NAV2: variants seen among roughly 807,000 people sequenced by gnomAD.
NAV2 encodes the protein neuron navigator 2.
NAV2 carries 54 observed loss-of-function variants against 223.2 expected under a neutral mutation model. That is an observed-to-expected ratio of 0.24 (90% CI 0.19 to 0.30). The LOEUF (loss-of-function observed/expected upper bound fraction) is 0.30, where lower values mean the gene tolerates loss of function less well. Among genes scored for constraint, NAV2 ranks in the 10% least tolerant of loss-of-function variants. NAV2 has a pLI of 1.00. For missense variants in NAV2, 2,806 were observed against 3,147.5 expected, an observed-to-expected ratio of 0.89 and a Z score of 2.60; for synonymous variants, 1,279 against 1,239.3, an observed-to-expected ratio of 1.03 and a Z score of -0.67.
At chr11:20,105,499 T>C (rs765338886) in intron 34 of NAV2, 32 bp from the exon 35 acceptor site, 15 of 1,584,458 alleles carry the variant, frequency 9.5e-6, no homozygotes, top group Admixed American at 1.7e-5. Flanking sequence ...ATCACCATCA[T>C]CAGCTTGAAA....
At chr11:19,628,825 T>A (rs1305620215) in intron 1 of NAV2, among the ~76,000 whole-genome samples, 1 of 152,210 alleles carries the variant, frequency 6.6e-6, no homozygotes, top group Non-Finnish European at 1.5e-5. Flanking sequence ...TCTTCTGGAA[T>A]CATTGATTAC....
chr11:19,845,124 A>T (rs2060721914), intron 3 of NAV2, among the ~76,000 whole-genome samples: 1 of 152,212 alleles, frequency 6.6e-6, no homozygotes, highest in South Asian at 2.1e-4. Context: ...CTTTCGATAG[A>T]CAGGCATGGA....
At chr11:19,860,188 C>T (rs2061657625) in intron 3 of NAV2, among the ~76,000 whole-genome samples, 1 of 146,992 alleles carries the variant, frequency 6.8e-6, no homozygotes, top group Non-Finnish European at 1.5e-5. Context: ...CCACCTCCCT[C>T]CCAGACGGGG....
At position 19,620,080 on chromosome 11, in the gene NAV2, TATTATTTCTGA is replaced by T. The variant is rs1183451951; in HGVS notation, c.76-212403_76-212393del. ...AGATCAGATAGTTGTAGATGTGTGA[TATTATTTCTGA>T]GGGCTCTGTTCTGTTCCATTGATCT... On this transcript the variant is annotated intron_variant, in intron 1 of 37. Coordinates refer to the NAV2 transcript ENST00000360655. Among the ~76,000 whole-genome samples, 5 of 152,296 alleles carry T rather than the reference TATTATTTCTGA, an allele frequency of 3.3e-5. No homozygotes were observed. In the East Asian group the frequency reaches 5.8e-4, roughly 18 times the overall value.
intron 11 of NAV2, among the ~76,000 whole-genome samples, chr11:20,031,002 T>C (rs1266536988): frequency 6.6e-6 from 1 of 152,196 alleles, no homozygotes; most frequent in Non-Finnish European, 1.5e-5. Context: ...CTTTCCCAGA[T>C]TTAAAATCAC....
At chr11:20,062,845 C>A (rs56248395) in intron 20 of NAV2, among the ~76,000 whole-genome samples, 1 of 152,084 alleles carries the variant, frequency 6.6e-6, no homozygotes, top group Non-Finnish European at 1.5e-5. Context: ...TAGGCATGTG[C>A]CACCACGCCC....
At chr11:19,637,216 G>C (rs968429124) in intron 1 of NAV2, among the ~76,000 whole-genome samples, 1 of 152,156 alleles carries the variant, frequency 6.6e-6, no homozygotes, top group Non-Finnish European at 1.5e-5. Flanking sequence ...TGGCTACCTG[G>C]CTGGTTTCTG....
At chr11:19,969,339 G>A (rs10833208) in intron 10 of NAV2, among the ~76,000 whole-genome samples, 96,644 of 151,472 alleles carry the variant, frequency 0.64, 31,905 homozygotes, top group Middle Eastern at 0.74. Context: ...AATGAGACCC[G>A]GAAGGCCCAC....
At chr11:19,357,314 G>A (rs536788370) in intron 1 of NAV2, among the ~76,000 whole-genome samples, 1 of 152,318 alleles carries the variant, frequency 6.6e-6, no homozygotes, top group Admixed American at 6.5e-5. Flanking sequence ...GAGGGAGAAA[G>A]AGCAGCAATG....
At chr11:19,976,563 G>C (rs2049773457) in intron 10 of NAV2, among the ~76,000 whole-genome samples, 1 of 152,222 alleles carries the variant, frequency 6.6e-6, no homozygotes, top group African/African-American at 2.4e-5. Context: ...CTGAGCCCTT[G>C]TTTGATTAGC....
rs1231968329 is a variant in NAV2 at position 19,832,523 on chromosome 11, G to A, written c.307G>A (p.Gly103Ser). The A allele has an allele frequency of 3.1e-6, 5 of 1,614,064 alleles. No individual in the cohort carries two copies. Among genetic ancestry groups the A allele is most frequent in the Admixed American group, 1.7e-5 (1 of 60,014 alleles). Residue 103 changes from glycine (G) to serine (S), a missense_variant, in exon 2 of 38, where the codon GGC becomes AGC. Around this residue, in one of 4 missense-constraint regions of NAV2, gnomAD observed 1,167 missense variants for 1,180.5 expected, o/e 0.99. Coordinates refer to ENST00000349880, the MANE Select transcript of NAV2 (RefSeq NM_145117.5). ...DWANHYLAKS[G>S]HKRLIRDLQQ... Reference sequence around the variant, plus strand: ...GGCCAATCATTACCTAGCCAAATCCGGCCACAAGCGTCTCATCAGGGATCT... The same window carrying A: ...GGCCAATCATTACCTAGCCAAATCCAGCCACAAGCGTCTCATCAGGGATCT...
intron 1 of NAV2, among the ~76,000 whole-genome samples, chr11:19,422,679 A>G (rs1028584918): frequency 2.0e-5 from 3 of 152,164 alleles, no homozygotes; most frequent in Non-Finnish European, 4.4e-5. Flanking sequence ...CAACAATTAC[A>G]CAGAAGATTA....
intron 1 of NAV2, among the ~76,000 whole-genome samples, chr11:19,672,290 C>G (rs992427246): frequency 1.3e-5 from 2 of 152,208 alleles, no homozygotes; most frequent in African/African-American, 4.8e-5. Context: ...GGTTGTTTAA[C>G]TTTTCTCCAT....
rs868622805 is a variant in NAV2 at position 20,045,196 on chromosome 11, C to A, written c.3428C>A (p.Thr1143Asn). 1 of 1,614,178 alleles carries A rather than the reference C, an allele frequency of 6.2e-7. No individual in the cohort carries two copies. The highest frequency in any genetic ancestry group is 1.1e-5 in the South Asian group (1 of 91,084). Residue 1143 changes from threonine to asparagine, a missense_variant, in exon 14 of 38, where the codon ACC (threonine) becomes AAC (asparagine). Physicochemically the swap from Thr to Asn is moderately conservative, Grantham distance 65 (BLOSUM62 0). Coordinates refer to ENST00000349880, the MANE Select transcript of NAV2 (RefSeq NM_145117.5). Reference protein sequence around the residue: ...AMITASGVTVTSRSATLGKIP... With the variant: ...AMITASGVTVNSRSATLGKIP... Reference sequence around the variant, plus strand: ...ATCACAGCCAGCGGGGTGACTGTCACCAGCAGGTCAGCCACACTGGGCAAA... The same window carrying A: ...ATCACAGCCAGCGGGGTGACTGTCAACAGCAGGTCAGCCACACTGGGCAAA...
At chr11:19,431,910 T>A (rs1439813772) in intron 1 of NAV2, among the ~76,000 whole-genome samples, 1 of 152,188 alleles carries the variant, frequency 6.6e-6, no homozygotes, top group South Asian at 2.1e-4. Context: ...TCGAAAGTAT[T>A]GATAAGACTG....
At chr11:20,097,465 C>G (rs1197223315) in intron 30 of NAV2, 112 bp from the exon 31 acceptor site, 19 of 910,094 alleles carry the variant, frequency 2.1e-5, no homozygotes, top group Non-Finnish European at 2.6e-5. Context: ...AATTTCAACT[C>G]AGACATCTGA....
chr11:19,452,293 T>C (rs1564947224), intron 1 of NAV2, among the ~76,000 whole-genome samples: 3 of 152,332 alleles, frequency 2.0e-5, no homozygotes, highest in East Asian at 3.9e-4. Context: ...AGAACTGCCA[T>C]GTGCCAGGTA....
chr11:19,802,912 A>G (rs1375807722), intron 1 of NAV2, among the ~76,000 whole-genome samples: 3 of 152,172 alleles, frequency 2.0e-5, no homozygotes, highest in Non-Finnish European at 4.4e-5. Flanking sequence ...TAGGAAAAAC[A>G]GACAGAGGGG....
chr11:19,737,079 T>C (rs1477424145), intron 1 of NAV2, among the ~76,000 whole-genome samples: 6 of 152,330 alleles, frequency 3.9e-5, no homozygotes, highest in Admixed American at 2.6e-4. Flanking sequence ...GCAACACCAC[T>C]GGGGTAATTC....
Sources: gnomAD v4.1 joint callset for allele counts (sites outside exome capture counted in the v4.1 genomes callset) on GRCh38, gnomAD v4.1.1 for gene constraint, gnomAD v4.1.1 regional missense constraint, MANE v1.5 for transcripts, NCBI Gene and HGNC (gene_info 2026-07-23, HGNC 2026-07-21) for gene names.